CTDSPL2: variants seen among roughly 807,000 people sequenced by gnomAD.
The protein encoded by CTDSPL2 is CTD small phosphatase like 2.
CTDSPL2 carries 5 observed loss-of-function variants against 60.0 expected under a neutral mutation model. That is an observed-to-expected ratio of 0.08 (90% CI 0.04 to 0.18). The LOEUF (loss-of-function observed/expected upper bound fraction) is 0.18. Among genes scored for constraint, CTDSPL2 ranks in the 10% least tolerant of loss-of-function variants. The pLI, the probability that CTDSPL2 is intolerant of heterozygous loss-of-function variation, is 1.00. For synonymous variants in CTDSPL2, 186 were observed against 189.3 expected, an observed-to-expected ratio of 0.98 and a Z score of 0.14; for missense variants, 370 against 548.8, an observed-to-expected ratio of 0.67 and a Z score of 3.26.
chr15:44,523,995 A>G (rs1417517071), intron 12 of CTDSPL2, 114 bp from the exon 13 acceptor site: 2 of 767,176 alleles, frequency 2.6e-6, no homozygotes, highest in Non-Finnish European at 4.4e-6. Context: ...GGCAAATAAA[A>G]TATGTCATAA....
intron 8 of CTDSPL2, among the ~76,000 whole-genome samples, chr15:44,506,568 T>C (rs1200565242): frequency 2.6e-5 from 4 of 151,396 alleles, no homozygotes; most frequent in African/African-American, 4.9e-5. Flanking sequence ...TACAGGAATG[T>C]GCCACCATGC....
intron 5 of CTDSPL2, among the ~76,000 whole-genome samples, chr15:44,492,110 C>A (rs1025868426): frequency 6.6e-6 from 1 of 152,052 alleles, no homozygotes; most frequent in Non-Finnish European, 1.5e-5. Context: ...TTCAAATGAT[C>A]TGCCCACCTC....
At chr15:44,444,513 T>A (rs908087098) in intron 1 of CTDSPL2, among the ~76,000 whole-genome samples, 5 of 151,740 alleles carry the variant, frequency 3.3e-5, no homozygotes, top group African/African-American at 1.2e-4. Context: ...CCTGGCTAAT[T>A]TTTTGTATTT....
chr15:44,526,286 G>T lies in CTDSPL2; in HGVS notation c.*2112G>T, dbSNP rs1355620242. 1.3e-5 allele frequency: 2 copies of T among 152,066 alleles called. No homozygotes were observed. The highest frequency in any genetic ancestry group is 3.8e-4 in the East Asian group (2 of 5,206). The allele number at this position is 152,066 out of a possible 1,614,324, so 9.4% of individuals were successfully genotyped here. A position where few individuals can be genotyped will look rare whatever the true frequency, so the allele number is the denominator to read the frequency against. On this transcript the variant is annotated 3_prime_UTR_variant, in exon 13 of 13. Coordinates refer to ENST00000260327, the MANE Select transcript of CTDSPL2 (RefSeq NM_016396.3). ...AAAACTTAAAAGATCTGAACTTTCA[G>T]CATGCATTCTGATTGCTGAAAGATT...
chr15:44,467,810 A>G (rs1006925691), intron 2 of CTDSPL2, among the ~76,000 whole-genome samples: 1 of 152,072 alleles, frequency 6.6e-6, no homozygotes, highest in African/African-American at 2.4e-5. Context: ...CCTGACCTCA[A>G]GTGATCTACT....
intron 1 of CTDSPL2, among the ~76,000 whole-genome samples, chr15:44,444,734 T>G (rs990838933): frequency 6.6e-6 from 1 of 150,432 alleles, no homozygotes; most frequent in African/African-American, 2.4e-5. Context: ...GTAAGTAGTT[T>G]TTTTTTTTTT....
intron 5 of CTDSPL2, among the ~76,000 whole-genome samples, chr15:44,492,721 A>G (rs1359691293): frequency 6.6e-6 from 1 of 152,248 alleles, no homozygotes; most frequent in African/African-American, 2.4e-5. Flanking sequence ...ATTCATATGT[A>G]TAATGTTAAA....
At chr15:44,488,754 G>A (rs1417058907) in intron 4 of CTDSPL2, among the ~76,000 whole-genome samples, 1 of 152,132 alleles carries the variant, frequency 6.6e-6, no homozygotes, top group Non-Finnish European at 1.5e-5. Flanking sequence ...GGGAGGCCGA[G>A]GTTGCAGTGA....
chr15:44,435,163 A>G (rs1432084160), intron 1 of CTDSPL2, among the ~76,000 whole-genome samples: 1 of 150,438 alleles, frequency 6.6e-6, no homozygotes, highest in East Asian at 2.0e-4. Flanking sequence ...GGGCTGAGGC[A>G]GGAGAATTGC....
chr15:44,433,838 AT>A (rs1362814843), intron 1 of CTDSPL2, among the ~76,000 whole-genome samples: 2 of 151,366 alleles, frequency 1.3e-5, no homozygotes, highest in East Asian at 4.0e-4. Flanking sequence ...CTGTAATCCC[AT>A]CTACTTGGGA....
Position 44,524,246 on chromosome 15 carries a change from CCATTACTGTTGAAATTTTG to C in CTDSPL2, c.*77_*95del. The C allele has an allele frequency of 7.7e-7, 1 of 1,292,548 alleles. No homozygotes were observed. The highest frequency in any genetic ancestry group is 1.1e-6 in the Non-Finnish European group (1 of 897,224). The allele number at this position is 1,292,548 out of a possible 1,614,324, so 80.1% of individuals were successfully genotyped here. A position where few individuals can be genotyped will look rare whatever the true frequency, so the allele number is the denominator to read the frequency against. ...CTTTTGGACTAAGACAAAAACATTG[CCATTACTGTTGAAATTTTG>C]CATTTTTGTACCCCGTCTTGCTTTT... On this transcript the variant is annotated 3_prime_UTR_variant, in exon 13 of 13. Transcript: ENST00000260327.
chr15:44,510,905 G>C (rs540448283), intron 8 of CTDSPL2, among the ~76,000 whole-genome samples: 90 of 152,266 alleles, frequency 5.9e-4, no homozygotes, highest in Non-Finnish European at 9.7e-4. Flanking sequence ...CAGACAGTAC[G>C]TAGTGCTTCT....
At chr15:44,498,219 A>G (rs1022271147) in intron 7 of CTDSPL2, among the ~76,000 whole-genome samples, 1 of 152,172 alleles carries the variant, frequency 6.6e-6, no homozygotes, top group African/African-American at 2.4e-5. Flanking sequence ...AATGTATCTC[A>G]TGTCATATTG....
rs2081902623 is a variant in CTDSPL2, at chr15:44,528,324, C to A, written c.*4150C>A. On this transcript the variant is annotated 3_prime_UTR_variant, in exon 13 of 13. Coordinates refer to ENST00000260327, the MANE Select transcript of CTDSPL2 (RefSeq NM_016396.3). ...TGTCTCGCTGGATCTCGAGAGGGGC[C>A]TGAGAGTTCTGGCTTTTTTTTTTTG... 1 of 150,322 alleles carries A rather than the reference C, an allele frequency of 6.7e-6. No individual in the cohort carries two copies. The highest frequency in any genetic ancestry group is 2.1e-4 in the South Asian group (1 of 4,772). The allele number at this position is 150,322 out of a possible 1,614,324, so 9.3% of individuals were successfully genotyped here. A position where few individuals can be genotyped will look rare whatever the true frequency, so the allele number is the denominator to read the frequency against.
At chr15:44,441,541 C>T (rs2141280360) in intron 1 of CTDSPL2, among the ~76,000 whole-genome samples, 1 of 152,274 alleles carries the variant, frequency 6.6e-6, no homozygotes, top group South Asian at 2.1e-4. Context: ...TTGCCTTCAG[C>T]AGTTTGTTAA....
intron 1 of CTDSPL2, among the ~76,000 whole-genome samples, chr15:44,429,685 G>T (rs2079818144): frequency 6.6e-6 from 1 of 152,152 alleles, no homozygotes; most frequent in African/African-American, 2.4e-5. Flanking sequence ...GGCCAACATA[G>T]TGAAACTCCA....
At chr15:44,443,085 A>T (rs996874829) in intron 1 of CTDSPL2, among the ~76,000 whole-genome samples, 2 of 152,200 alleles carry the variant, frequency 1.3e-5, no homozygotes, top group Non-Finnish European at 2.9e-5. Context: ...AACTGTGTTA[A>T]ACCATTTTAA....
chr15:44,512,322 T>C (rs899024813), intron 8 of CTDSPL2, among the ~76,000 whole-genome samples: 1 of 152,116 alleles, frequency 6.6e-6, no homozygotes, highest in African/African-American at 2.4e-5. Context: ...CAAGTGATAA[T>C]AGGGATATTG....
rs563776490 is a variant in CTDSPL2, at chr15:44,471,820, A to G, written c.187-12404A>G. Among the ~76,000 whole-genome samples, 9 of 152,090 alleles carry G rather than the reference A, an allele frequency of 5.9e-5. No individual in the cohort carries two copies. The South Asian group carries it at 1.0e-3, about 18-fold the overall frequency. On this transcript the variant is annotated intron_variant, in intron 2 of 12. Coordinates refer to ENST00000260327, the MANE Select transcript of CTDSPL2 (RefSeq NM_016396.3). Reference sequence around the variant, plus strand: ...AGTCACTAATCTGCTTCCTGTCTCTATGGATTTTGCTATATTTTGGACATT... The same window carrying G: ...AGTCACTAATCTGCTTCCTGTCTCTGTGGATTTTGCTATATTTTGGACATT...
Sources: allele counts gnomAD v4.1 joint callset (sites outside exome capture counted in the v4.1 genomes callset), GRCh38; gene constraint gnomAD v4.1.1; transcripts MANE v1.5; gene names NCBI Gene and HGNC (gene_info 2026-07-23, HGNC 2026-07-21).